Variants in GRM4 observed in about 807,000 individuals in gnomAD.
The protein encoded by GRM4 is glutamate metabotropic receptor 4, also known as metabotropic glutamate receptor 4.
A neutral mutation model predicts 81.7 loss-of-function variants in GRM4; 28 were observed. The observed-to-expected ratio is 0.34, with a 90% CI of 0.25 to 0.47. The LOEUF is 0.47. GRM4 is among the 20% of genes least tolerant of loss of function. The pLI is 1.00. For missense variants in GRM4, 948 were observed against 1,290.0 expected (o/e 0.73, Z 4.06); for synonymous variants, 488 against 528.8 (o/e 0.92, Z 1.06).
In GRM4 at chr6:34,034,344, T is replaced by C. The variant is rs1007555566; in HGVS notation, c.2442+1324A>G. 3.9e-5 allele frequency among the ~76,000 whole-genome samples: 6 copies of C among 152,160 alleles called. No homozygotes were observed. Among genetic ancestry groups the C allele is most frequent in the African/African-American group, 1.4e-4 (6 of 41,496 alleles). The stretch of plus-strand genomic sequence containing the variant: ...TCCTCGTCTCCCACCCAACGTGCCA[T>C]CCATTGGAAACCTGACCAGCCAGTC... On this transcript the variant is annotated intron_variant, in intron 9 of 10. Transcript: ENST00000538487. The surrounding 1 kb of genome is among the most constrained non-coding windows in gnomAD (Gnocchi z 4.0).
chr6:34,035,998 G>C lies in GRM4; in HGVS notation c.2112C>G (p.Phe704Leu). Residue 704 changes from phenylalanine (F) to leucine (L), a missense_variant, in exon 9 of 11, where the codon TTC becomes TTG. By Grantham distance (22) the Phe-to-Leu change is conservative. Coordinates refer to ENST00000538487, the MANE Select transcript of GRM4 (RefSeq NM_000841.4). The surrounding 1 kb of genome is among the most constrained non-coding windows in gnomAD (Gnocchi z 6.6). ...ISPASQLAIT[F>L]SLISLQLLGI... ...CCAGCAGCTGCAGCGAGATGAGGCT[G>C]AAGGTGATGGCCAGCTGTGAGGCGG... 6.2e-7 allele frequency: 1 copy of C among 1,614,036 alleles called. No homozygotes were observed. The highest frequency in any genetic ancestry group is 8.5e-7 in the Non-Finnish European group (1 of 1,179,944).
Position 34,136,123 on chromosome 6 carries a change from C to G in GRM4, c.-363-2264G>C, listed in dbSNP as rs554422640. On this transcript the variant is annotated intron_variant, in intron 1 of 10. Coordinates refer to ENST00000538487, the MANE Select transcript of GRM4 (RefSeq NM_000841.4). This position sits in a 1 kb window ranked among gnomAD's most constrained non-coding sequence, Gnocchi z 4.1. Reference sequence around the variant, plus strand: ...CCACTGCCATGTGCCAAGCACTGTTCTAAGTGCTTTACCTACATTTTCTCA... The same window carrying G: ...CCACTGCCATGTGCCAAGCACTGTTGTAAGTGCTTTACCTACATTTTCTCA... Among the ~76,000 whole-genome samples the G allele has an allele frequency of 6.6e-6, 1 of 152,244 alleles. No homozygotes were observed. Among genetic ancestry groups the G allele is most frequent in the Non-Finnish European group, 1.5e-5 (1 of 68,044 alleles).
At chr6:34,075,804 C>T (rs1252496565) in intron 3 of GRM4, among the ~76,000 whole-genome samples, 6 of 152,210 alleles carry the variant, frequency 3.9e-5, no homozygotes, top group African/African-American at 1.2e-4. Context: ...TGGTTTCCTC[C>T]ATCAGCCCAT....
chr6:34,103,631 G>A (rs986884632), intron 2 of GRM4: 25 of 1,535,072 alleles, frequency 1.6e-5, no homozygotes, highest in Non-Finnish European at 2.1e-5. Flanking sequence ...AGTGATCTGT[G>A]GGGGAGGCCG....
At chr6:34,098,955 G>T (rs909616064) in intron 2 of GRM4, among the ~76,000 whole-genome samples, 3 of 151,940 alleles carry the variant, frequency 2.0e-5, no homozygotes, top group African/African-American at 7.2e-5. Context: ...TCTGTGGGCT[G>T]GGAGCCGGTC....
At chr6:34,053,890 A>T (rs1265308800) in intron 6 of GRM4, among the ~76,000 whole-genome samples, 1 of 152,198 alleles carries the variant, frequency 6.6e-6, no homozygotes, top group East Asian at 1.9e-4. Context: ...CTTTGTAAAA[A>T]TCCACGGCCT....
chr6:34,087,865 G>A (rs1047319867), intron 3 of GRM4, among the ~76,000 whole-genome samples: 1 of 136,896 alleles, frequency 7.3e-6, no homozygotes, highest in African/African-American at 2.8e-5. Context: ...TGCCTTTGGA[G>A]TTCACCTTGC....
chr6:34,063,692 C>T (rs1766297046), intron 3 of GRM4: 1 of 152,290 alleles, frequency 6.6e-6, no homozygotes, highest in African/African-American at 2.4e-5. Context: ...ACTGGGGCCC[C>T]TGTCAGTCTG....
chr6:34,062,713 G>A (rs1208884034), intron 3 of GRM4: 1 of 151,206 alleles, frequency 6.6e-6, no homozygotes. Context: ...TCAGGAGAGG[G>A]TCAGTACTTG....
chr6:34,105,960 G>A (rs1302195153), intron 2 of GRM4: 1 of 152,266 alleles, frequency 6.6e-6, no homozygotes, highest in African/African-American at 2.4e-5. Context: ...CACAGCTCCA[G>A]CATCTCTGTC....
intron 2 of GRM4, among the ~76,000 whole-genome samples, chr6:34,101,406 A>G (rs1768830186): frequency 6.6e-6 from 1 of 152,240 alleles, no homozygotes; most frequent in Non-Finnish European, 1.5e-5. Context: ...AACTCGAACT[A>G]GCTGCAGAGC....
At chr6:34,154,976 G>A in intron 1 of GRM4, 1 of 955,844 alleles carries the variant, frequency 1.0e-6, no homozygotes, top group Non-Finnish European at 1.5e-6. Context: ...GGCCTGGGGC[G>A]GGTCCGAGCG....
chr6:34,033,054 T>C (rs1764512900), intron 9 of GRM4, among the ~76,000 whole-genome samples: 1 of 152,030 alleles, frequency 6.6e-6, no homozygotes, highest in East Asian at 1.9e-4. Flanking sequence ...CCCATGAGCA[T>C]TGAGAGGCGT....
At chr6:34,033,687 C>T (rs1581590949) in intron 9 of GRM4, among the ~76,000 whole-genome samples, 1 of 146,538 alleles carries the variant, frequency 6.8e-6, no homozygotes, top group African/African-American at 2.5e-5. Flanking sequence ...CTCTTTCTCT[C>T]TCTCTCTCTC....
chr6:34,030,623 T>C (rs79285640), intron 9 of GRM4, among the ~76,000 whole-genome samples: 1,700 of 152,316 alleles, frequency 0.011, 15 homozygotes, highest in East Asian at 0.026. Context: ...GTACAACCTG[T>C]GCAGTCACCC....
chr6:34,064,215 G>A lies in GRM4; in HGVS notation c.737-2187C>T, dbSNP rs998143963. Among the ~76,000 whole-genome samples the A allele has an allele frequency of 8.5e-5, 13 of 152,144 alleles. No individual in the cohort carries two copies. Among genetic ancestry groups the A allele is most frequent in the African/African-American group, 2.9e-4 (12 of 41,428 alleles). On this transcript the variant is annotated intron_variant, in intron 3 of 10. Coordinates refer to ENST00000538487, the MANE Select transcript of GRM4 (RefSeq NM_000841.4). The surrounding 1 kb of genome is among the most constrained non-coding windows in gnomAD (Gnocchi z 4.4). ...CCAGAAGGGAGTGCGGGGGGCGGGG[G>A]TGTGCAGAGCTCCGTAATACTAATG...
intron 2 of GRM4, among the ~76,000 whole-genome samples, chr6:34,124,214 G>C (rs1769927772): frequency 6.6e-6 from 1 of 152,196 alleles, no homozygotes; most frequent in Non-Finnish European, 1.5e-5. Flanking sequence ...TCCCCGCTCA[G>C]ATCAACTGCC....
Position 34,019,151 on chromosome 6 carries a change from C to T in GRM4, c.*3670G>A, listed in dbSNP as rs1219135246. 1 of 152,396 alleles carries T rather than the reference C, an allele frequency of 6.6e-6. No homozygotes were observed. The allele number at this position is 152,396 out of a possible 1,614,324, so 9.4% of individuals were successfully genotyped here. A position where few individuals can be genotyped will look rare whatever the true frequency, so the allele number is the denominator to read the frequency against. The stretch of plus-strand genomic sequence containing the variant: ...CTCTGTCCTGCCTGGCTCTATGCCT[C>T]TGCCTCCAGGGCCTGAGAAGTAAGG... On this transcript the variant is annotated 3_prime_UTR_variant, in exon 11 of 11. Coordinates refer to ENST00000538487, the MANE Select transcript of GRM4 (RefSeq NM_000841.4).
chr6:34,069,647 A>AGTGT lies in GRM4; in HGVS notation c.737-7623_737-7620dup, dbSNP rs3222082. Reference sequence around the variant, plus strand: ...GGCTTTACAACCCTTGGCAGCCCCCAGTGTGTGTGTGTGTGTGTGTGTGTG... The same window carrying AGTGT: ...GGCTTTACAACCCTTGGCAGCCCCCAGTGTGTGTGTGTGTGTGTGTGTGTGTGTG... On this transcript the variant is annotated intron_variant, in intron 3 of 10. Transcript: ENST00000538487. This position sits in a 1 kb window ranked among gnomAD's most constrained non-coding sequence, Gnocchi z 6.4. Among the ~76,000 whole-genome samples the AGTGT allele has an allele frequency of 0.043, 6,157 of 144,342 alleles. 160 individuals carry two copies. Among genetic ancestry groups the AGTGT allele is most frequent in the East Asian group, 0.08 (393 of 4,902 alleles). 94.7% of individuals were successfully genotyped at this position (144,342 alleles called of 152,430 possible).
Sources: gnomAD v4.1 joint callset for allele counts (sites outside exome capture counted in the v4.1 genomes callset) on GRCh38, gnomAD v4.1.1 for gene constraint, Gnocchi (gnomAD v3.1) non-coding constraint, MANE v1.5 for transcripts, NCBI Gene and HGNC (gene_info 2026-07-23, HGNC 2026-07-21) for gene names.